The following PCDHGA7 variants were observed in gnomAD, a reference collection of about 807,000 sequenced individuals.
PCDHGA7 encodes the protein protocadherin gamma subfamily A, 7, also known as protocadherin gamma-A7.
Under a neutral mutation model 58.3 loss-of-function variants are expected in PCDHGA7, and 44 were observed. The ratio of observed to expected loss-of-function variants is 0.75; its 90% confidence interval spans 0.59 to 0.97. The LOEUF (loss-of-function observed/expected upper bound fraction) is 0.97, where lower values mean the gene tolerates loss of function less well. PCDHGA7 is among the 50% of genes least tolerant of loss of function. The probability of loss-of-function intolerance (pLI) is 0.00; values close to 1 mark genes in which losing one functional copy is unlikely to be tolerated. For missense variants in PCDHGA7, 1,266 were observed against 1,188.7 expected (o/e 1.06, Z -0.96); for synonymous variants, 516 against 504.2 (o/e 1.02, Z -0.31).
intron 1 of PCDHGA7, chr5:141,419,707 C>T (rs781629810): frequency 4.6e-5 from 74 of 1,613,062 alleles, no homozygotes; most frequent in Middle Eastern, 1.7e-4. Flanking sequence ...AGCCCGGGCT[C>T]TTCAGCCTGG....
intron 1 of PCDHGA7, among the ~76,000 whole-genome samples, chr5:141,434,495 G>A (rs1414485396): frequency 6.6e-6 from 1 of 152,220 alleles, no homozygotes; most frequent in Non-Finnish European, 1.5e-5. Flanking sequence ...GGCCCGCCCA[G>A]GGCAGAAAAC....
intron 1 of PCDHGA7, among the ~76,000 whole-genome samples, chr5:141,397,436 G>GT (rs1255719276): frequency 6.6e-6 from 1 of 152,172 alleles, no homozygotes; most frequent in Non-Finnish European, 1.5e-5. Flanking sequence ...TCCCTAATAT[G>GT]TGTAATATAA....
chr5:141,478,394 G>T (rs2099453142), intron 1 of PCDHGA7: 4 of 1,613,586 alleles, frequency 2.5e-6, no homozygotes, highest in Non-Finnish European at 3.4e-6. Flanking sequence ...TTACCATCAG[G>T]TGTATCTCAC....
intron 1 of PCDHGA7, among the ~76,000 whole-genome samples, chr5:141,426,008 T>G (rs2096909040): frequency 6.6e-6 from 1 of 152,224 alleles, no homozygotes; most frequent in South Asian, 2.1e-4. Context: ...GGCTTCCGGC[T>G]GCAGTTTTCT....
Position 141,485,538 on chromosome 5 carries a change from A to T in PCDHGA7, c.2425-9269A>T. ...TTGGAAATGTACCGAGCAGAGGTAG[A>T]GATCGTAGATGTGAATGATCACGCC... On this transcript the variant is annotated intron_variant, in intron 1 of 3. Transcript: ENST00000518325. The surrounding 1 kb of genome is among the most constrained non-coding windows in gnomAD (Gnocchi z 5.7). The T allele has an allele frequency of 6.2e-7, 1 of 1,614,162 alleles. No individual in the cohort carries two copies. Among genetic ancestry groups the T allele is most frequent in the Admixed American group, 1.7e-5 (1 of 60,012 alleles).
rs368105487 is a variant in PCDHGA7 at position 141,489,478 on chromosome 5, A to G, written c.2425-5329A>G. On this transcript the variant is annotated intron_variant, in intron 1 of 3. Transcript: ENST00000518325. This position sits in a 1 kb window ranked among gnomAD's most constrained non-coding sequence, Gnocchi z 4.5. Reference sequence around the variant, plus strand: ...TGGGCGCTATTTTTCCCTGAGCTTGATGAGTGGTGCCCTGGCAGTGAATCA... The same window carrying G: ...TGGGCGCTATTTTTCCCTGAGCTTGGTGAGTGGTGCCCTGGCAGTGAATCA... The G allele has an allele frequency of 1.1e-5, 18 of 1,613,956 alleles. No individual in the cohort carries two copies. The highest frequency in any genetic ancestry group is 1.5e-5 in the Non-Finnish European group (18 of 1,180,030).
intron 1 of PCDHGA7, among the ~76,000 whole-genome samples, chr5:141,479,135 G>C (rs1236040845): frequency 6.6e-6 from 1 of 152,126 alleles, no homozygotes; most frequent in East Asian, 1.9e-4. Flanking sequence ...TGTGCACCCT[G>C]CTTACAAAAT....
intron 1 of PCDHGA7, chr5:141,394,509 G>A (rs367855808): frequency 6.2e-7 from 1 of 1,614,146 alleles, no homozygotes; most frequent in Non-Finnish European, 8.5e-7. Context: ...CCTGTACCCC[G>A]CCCTCCCCAC....
At chr5:141,416,405 T>C (rs948190812) in intron 1 of PCDHGA7, 1 of 152,200 alleles carries the variant, frequency 6.6e-6, no homozygotes, top group Non-Finnish European at 1.5e-5. Context: ...TTTGTCTTTT[T>C]TGTTAAATTT....
At chr5:141,472,411 C>T (rs747412647) in intron 1 of PCDHGA7, among the ~76,000 whole-genome samples, 9 of 151,918 alleles carry the variant, frequency 5.9e-5, no homozygotes, top group Admixed American at 3.3e-4. Flanking sequence ...CGTGGTGGCA[C>T]GCACCTGTAT....
At chr5:141,420,101 T>C (rs1160215468) in intron 1 of PCDHGA7, 1 of 1,613,928 alleles carries the variant, frequency 6.2e-7, no homozygotes, top group Non-Finnish European at 8.5e-7. Flanking sequence ...TGAGGGAACG[T>C]TGCCCTATGC....
At chr5:141,509,536 A>T (rs778275338) in intron 3 of PCDHGA7, among the ~76,000 whole-genome samples, 1 of 152,130 alleles carries the variant, frequency 6.6e-6, no homozygotes, top group Non-Finnish European at 1.5e-5. Context: ...AGGATGAAGC[A>T]CCATCTCATT....
intron 1 of PCDHGA7, chr5:141,393,324 CA>C (rs2092729145): frequency 6.2e-7 from 1 of 1,611,096 alleles, no homozygotes; most frequent in African/African-American, 1.4e-5. Context: ...CCAGAGCTAC[CA>C]GCTCAGCCCC....
Position 141,490,179 on chromosome 5 carries a change from A to G in PCDHGA7, c.2425-4628A>G. On this transcript the variant is annotated intron_variant, in intron 1 of 3. Transcript: ENST00000518325. This position sits in a 1 kb window ranked among gnomAD's most constrained non-coding sequence, Gnocchi z 5.4. Reference sequence around the variant, plus strand: ...TGGGTCCCATAGACTTTGAGGAGTCACGTTTCTATGAAATTCATGCAAGAG... The same window carrying G: ...TGGGTCCCATAGACTTTGAGGAGTCGCGTTTCTATGAAATTCATGCAAGAG... 1 of 1,614,202 alleles carries G rather than the reference A, an allele frequency of 6.2e-7. No individual in the cohort carries two copies. Among genetic ancestry groups the G allele is most frequent in the East Asian group, 2.2e-5 (1 of 44,882 alleles).
rs749590670 is a variant in PCDHGA7, at chr5:141,415,328, A to T, written c.2424+30005A>T. 7.9e-5 allele frequency: 127 copies of T among 1,614,184 alleles called. No individual in the cohort carries two copies. The Admixed American group carries it at 1.9e-3, about 24-fold the overall frequency. ...GCCTTCGTCATCGTGCTGCTGGCGC[A>T]CAGGCTGCGGCGCTGGCACAAGTCA... On this transcript the variant is annotated intron_variant, in intron 1 of 3. Transcript: ENST00000518325.
chr5:141,440,931 C>G (rs2098213287), intron 1 of PCDHGA7: 1 of 152,186 alleles, frequency 6.6e-6, no homozygotes, highest in Non-Finnish European at 1.5e-5. Context: ...GTGAGGGCCA[C>G]CAACCAGGAC....
chr5:141,443,207 C>T (rs907169095), intron 1 of PCDHGA7, among the ~76,000 whole-genome samples: 5 of 152,064 alleles, frequency 3.3e-5, no homozygotes, highest in African/African-American at 1.2e-4. Context: ...AAGAGCTTGT[C>T]TCGCCAGGCG....
intron 1 of PCDHGA7, chr5:141,428,437 C>G: frequency 2.5e-6 from 1 of 400,386 alleles, no homozygotes; most frequent in East Asian, 5.4e-5. Flanking sequence ...TAAGACTAGA[C>G]CAGGGGTTTT....
At position 141,487,025 on chromosome 5, in the gene PCDHGA7, C is replaced by T. The variant is rs769789352; in HGVS notation, c.2425-7782C>T. On this transcript the variant is annotated intron_variant, in intron 1 of 3. Transcript: ENST00000518325. This position sits in a 1 kb window ranked among gnomAD's most constrained non-coding sequence, Gnocchi z 5.0. ...GCTCCTGGAGGCCCCAGATCCCAGCCTGTTTGCAGTCTCTCGATATGCTGG... is the reference window on the plus strand; with the variant it reads ...GCTCCTGGAGGCCCCAGATCCCAGCTTGTTTGCAGTCTCTCGATATGCTGG... 1.9e-6 allele frequency: 3 copies of T among 1,614,216 alleles called. No homozygotes were observed. Among genetic ancestry groups the T allele is most frequent in the Non-Finnish European group, 2.5e-6 (3 of 1,180,050 alleles).
Sources: allele counts gnomAD v4.1 joint callset (sites outside exome capture counted in the v4.1 genomes callset), GRCh38; gene constraint gnomAD v4.1.1; non-coding constraint Gnocchi (gnomAD v3.1); transcripts MANE v1.5; gene names NCBI Gene and HGNC (gene_info 2026-07-23, HGNC 2026-07-21).